DLGAP2: variants seen among roughly 807,000 people sequenced by gnomAD.
DLGAP2 encodes DLG associated protein 2.
DLGAP2 carries 26 observed loss-of-function variants against 100.3 expected under a neutral mutation model. The observed-to-expected ratio is 0.26, with a 90% confidence interval of 0.19 to 0.36. DLGAP2 has a LOEUF of 0.36. Ranked by LOEUF, DLGAP2 falls within the 10% of genes least tolerant of loss-of-function variation. The pLI, the probability that DLGAP2 is intolerant of heterozygous loss-of-function variation, is 1.00. For missense variants in DLGAP2, 1,858 were observed against 1,453.2 expected (o/e 1.28, Z -4.53); for synonymous variants, 886 against 630.1 (o/e 1.41, Z -6.08).
chr8:1,206,490 G>A (rs199692609), intron 2 of DLGAP2, among the ~76,000 whole-genome samples: 9 of 32,448 alleles, frequency 2.8e-4, no homozygotes, highest in Non-Finnish European at 3.8e-4. Context: ...ATCCGTGGGC[G>A]GGGGTAGACT....
intron 2 of DLGAP2, among the ~76,000 whole-genome samples, chr8:921,662 G>A (rs557280315): frequency 6.6e-6 from 1 of 152,370 alleles, no homozygotes; most frequent in South Asian, 2.1e-4. Context: ...TACAGATGCT[G>A]TTCTGTACCT....
intron 10 of DLGAP2, among the ~76,000 whole-genome samples, chr8:1,671,818 G>A (rs1212181357): frequency 6.6e-6 from 1 of 152,178 alleles, no homozygotes; most frequent in Admixed American, 6.5e-5. Flanking sequence ...TCTCATCACA[G>A]CTCCAGATTT....
chr8:1,344,849 A>T (rs916356618), intron 3 of DLGAP2, among the ~76,000 whole-genome samples: 8 of 152,170 alleles, frequency 5.3e-5, no homozygotes, highest in Non-Finnish European at 8.8e-5. Flanking sequence ...TGTTGAACTA[A>T]TGAATGAGAG....
At chr8:1,179,532 C>T (rs1457635648) in intron 2 of DLGAP2, among the ~76,000 whole-genome samples, 1 of 152,266 alleles carries the variant, frequency 6.6e-6, no homozygotes, top group Non-Finnish European at 1.5e-5. Context: ...AGGCTTCCAC[C>T]TCTCTCCAAG....
chr8:1,334,484 T>C (rs906378458), intron 3 of DLGAP2, among the ~76,000 whole-genome samples: 1 of 152,170 alleles, frequency 6.6e-6, no homozygotes, highest in Non-Finnish European at 1.5e-5. Context: ...TACTTTTCGT[T>C]CCACTAAATC....
intron 3 of DLGAP2, chr8:1,302,260 T>C (rs1800366841): frequency 7.5e-6 from 1 of 134,100 alleles, no homozygotes; most frequent in South Asian, 2.2e-4. Context: ...GCATTTTCTG[T>C]GAGTTCCCGA....
chr8:999,968 C>G (rs1800899200), intron 2 of DLGAP2, among the ~76,000 whole-genome samples: 1 of 147,178 alleles, frequency 6.8e-6, no homozygotes, highest in African/African-American at 2.5e-5. Context: ...GCAGACAGAT[C>G]CGGGTGGAGG....
At chr8:1,494,786 A>C (rs2130297247) in intron 3 of DLGAP2, among the ~76,000 whole-genome samples, 1 of 152,162 alleles carries the variant, frequency 6.6e-6, no homozygotes, top group South Asian at 2.1e-4. Context: ...CCTCCCCCAA[A>C]CAGACACCAC....
chr8:773,473 A>G (rs1276843928), intron 1 of DLGAP2, among the ~76,000 whole-genome samples: 2 of 151,086 alleles, frequency 1.3e-5, no homozygotes, highest in Non-Finnish European at 3.0e-5. Context: ...CATTAGGTAT[A>G]TCGCCCAGTG....
chr8:1,478,901 G>A (rs1444911515), intron 3 of DLGAP2, among the ~76,000 whole-genome samples: 1 of 152,254 alleles, frequency 6.6e-6, no homozygotes, highest in Non-Finnish European at 1.5e-5. Context: ...CGAAGCTGGA[G>A]GTTGAGGGAG....
rs1797878212 is a variant in DLGAP2, at chr8:884,275, TG to T, written c.19-23636del. The stretch of plus-strand genomic sequence containing the variant: ...CCCACCAACAGTGTAAAAGCCTTCC[TG>T]TTTCTCTGCAGCCTCAGCAGTATCT... On this transcript the variant is annotated intron_variant, in intron 1 of 14. Transcript: ENST00000637795. 1.3e-5 allele frequency among the ~76,000 whole-genome samples: 2 copies of T among 152,238 alleles called. 1 individual carries two copies.
intron 1 of DLGAP2, among the ~76,000 whole-genome samples, chr8:900,256 C>T (rs1204658488): frequency 4.3e-5 from 6 of 140,004 alleles, no homozygotes; most frequent in African/African-American, 8.2e-5. Context: ...TGCTCCCAGG[C>T]GGACGGTCGG....
intron 1 of DLGAP2, among the ~76,000 whole-genome samples, chr8:873,130 T>C (rs1797629974): frequency 6.6e-6 from 1 of 152,188 alleles, no homozygotes; most frequent in Non-Finnish European, 1.5e-5. Flanking sequence ...AAACTTAATA[T>C]AGTGTAAATG....
intron 3 of DLGAP2, among the ~76,000 whole-genome samples, chr8:1,359,520 G>T (rs569130009): frequency 6.6e-6 from 1 of 152,264 alleles, no homozygotes; most frequent in South Asian, 2.1e-4. Context: ...GGGCAAGCTG[G>T]TTCGTGGGGA....
intron 2 of DLGAP2, among the ~76,000 whole-genome samples, chr8:1,153,163 C>G (rs962450187): frequency 1.3e-5 from 2 of 152,170 alleles, no homozygotes; most frequent in Admixed American, 1.3e-4. Context: ...GGCCTGACCC[C>G]TCAGTTTCCA....
intron 2 of DLGAP2, among the ~76,000 whole-genome samples, chr8:1,163,817 G>C (rs952036500): frequency 6.6e-6 from 1 of 152,198 alleles, no homozygotes; most frequent in East Asian, 1.9e-4. Flanking sequence ...TGCCCGCGGG[G>C]TGTGCTTGGG....
At chr8:1,462,601 C>A (rs1245114898) in intron 3 of DLGAP2, among the ~76,000 whole-genome samples, 1 of 152,110 alleles carries the variant, frequency 6.6e-6, no homozygotes, top group Admixed American at 6.5e-5. Flanking sequence ...ACTGTGGCTA[C>A]CTTGGGTGGA....
At chr8:1,349,380 C>T (rs1801649825) in intron 3 of DLGAP2, among the ~76,000 whole-genome samples, 1 of 148,484 alleles carries the variant, frequency 6.7e-6, no homozygotes, top group Non-Finnish European at 1.5e-5. Context: ...CCCACATCCA[C>T]GCATGTCATG....
At chr8:1,046,132 A>C (rs1226178404) in intron 2 of DLGAP2, among the ~76,000 whole-genome samples, 1 of 152,202 alleles carries the variant, frequency 6.6e-6, no homozygotes, top group Non-Finnish European at 1.5e-5. Flanking sequence ...TAAATAGAAT[A>C]AAGTCAGGCA....
Sources: gnomAD v4.1 joint callset for allele counts (sites outside exome capture counted in the v4.1 genomes callset) on GRCh38, gnomAD v4.1.1 for gene constraint, MANE v1.5 for transcripts, NCBI Gene and HGNC (gene_info 2026-07-23, HGNC 2026-07-21) for gene names.